The following CNTNAP5 variants were observed in gnomAD, a reference collection of about 807,000 sequenced individuals.
The protein encoded by CNTNAP5 is contactin associated protein family member 5.
CNTNAP5 carries 72 observed loss-of-function variants against 150.2 expected under a neutral mutation model. That is an observed-to-expected ratio of 0.48 (90% confidence interval 0.40 to 0.58). The LOEUF is 0.58. Among genes scored for constraint, CNTNAP5 ranks in the 20% least tolerant of loss-of-function variants. The pLI is 0.00. For missense variants in CNTNAP5, 1,636 were observed against 1,626.2 expected (o/e 1.01, Z -0.10); for synonymous variants, 672 against 619.8 (o/e 1.08, Z -1.25).
chr2:124,214,874 A>G (rs1396627886), intron 1 of CNTNAP5, among the ~76,000 whole-genome samples: 1 of 152,178 alleles, frequency 6.6e-6, no homozygotes, highest in African/African-American at 2.4e-5. Flanking sequence ...TCTGGAAATG[A>G]GTGTCAGGAT....
intron 13 of CNTNAP5, among the ~76,000 whole-genome samples, chr2:124,743,351 C>A (rs1558758551): frequency 6.6e-6 from 1 of 152,202 alleles, no homozygotes; most frequent in Admixed American, 6.5e-5. Context: ...CCCGCCTCCA[C>A]AGCAAAGAAG....
intron 11 of CNTNAP5, among the ~76,000 whole-genome samples, chr2:124,586,501 T>A (rs894022297): frequency 3.3e-5 from 5 of 152,220 alleles, no homozygotes; most frequent in African/African-American, 1.2e-4. Context: ...TTTAGCTTTT[T>A]TATGTATAAA....
At chr2:124,125,654 T>C (rs1683675007) in intron 1 of CNTNAP5, among the ~76,000 whole-genome samples, 1 of 152,184 alleles carries the variant, frequency 6.6e-6, no homozygotes, top group Non-Finnish European at 1.5e-5. Context: ...ATTGACCACA[T>C]AGTTGGAAGT....
intron 5 of CNTNAP5, among the ~76,000 whole-genome samples, chr2:124,445,905 T>A (rs1289211834): frequency 6.6e-6 from 1 of 152,206 alleles, no homozygotes; most frequent in Non-Finnish European, 1.5e-5. Context: ...GCTGTAATCT[T>A]TTTGGTAGAG....
chr2:124,306,726 T>C (rs924188846), intron 3 of CNTNAP5, among the ~76,000 whole-genome samples: 4 of 142,264 alleles, frequency 2.8e-5, no homozygotes, highest in Non-Finnish European at 4.5e-5. Context: ...TTTCTTTTTT[T>C]TTTTTTTTTT....
chr2:124,537,673 C>G (rs908652353), intron 10 of CNTNAP5, among the ~76,000 whole-genome samples: 1 of 152,136 alleles, frequency 6.6e-6, no homozygotes, highest in African/African-American at 2.4e-5. Context: ...TTTCCTTCCC[C>G]CATCTATCTC....
At chr2:124,294,518 T>C (rs1340920034) in intron 3 of CNTNAP5, among the ~76,000 whole-genome samples, 1 of 152,100 alleles carries the variant, frequency 6.6e-6, no homozygotes, top group Non-Finnish European at 1.5e-5. Flanking sequence ...AAATGACAAG[T>C]GCAAAAGCCC....
intron 13 of CNTNAP5, among the ~76,000 whole-genome samples, chr2:124,674,019 T>A (rs985968991): frequency 5.9e-5 from 9 of 152,076 alleles, no homozygotes; most frequent in Non-Finnish European, 1.3e-4. Flanking sequence ...CCATTCCTGC[T>A]CCCACCTTGC....
At chr2:124,361,181 T>G (rs1446144457) in intron 3 of CNTNAP5, among the ~76,000 whole-genome samples, 1 of 147,666 alleles carries the variant, frequency 6.8e-6, no homozygotes, top group Non-Finnish European at 1.5e-5. Flanking sequence ...AGCACTTCTC[T>G]GTATTGGTTA....
intron 7 of CNTNAP5, 114 bp from the exon 8 acceptor site, chr2:124,504,178 C>T: frequency 9.4e-7 from 1 of 1,062,132 alleles, no homozygotes; most frequent in Non-Finnish European, 1.4e-6. Context: ...GATCTTGCCG[C>T]TGAATGTGGA....
intron 1 of CNTNAP5, among the ~76,000 whole-genome samples, chr2:124,108,086 G>C (rs1178693601): frequency 6.6e-6 from 1 of 152,226 alleles, no homozygotes; most frequent in Non-Finnish European, 1.5e-5. Flanking sequence ...ATTTGTCTCA[G>C]GTGAGCAGAG....
chr2:124,300,431 G>A (rs1279428071), intron 3 of CNTNAP5, among the ~76,000 whole-genome samples: 3 of 152,218 alleles, frequency 2.0e-5, no homozygotes, highest in Non-Finnish European at 4.4e-5. Flanking sequence ...TTAAGCTGAT[G>A]CATTTGGGAT....
In CNTNAP5 at chr2:124,455,326, T is replaced by C. The variant is rs1029727562; in HGVS notation, c.918+8389T>C. ...GGAGATGGATAAATTCCTGGAAAGA[T>C]ACAACCTTCCTAGCTTACATCAGGA... On this transcript the variant is annotated intron_variant, in intron 6 of 23. Coordinates refer to ENST00000682447, the MANE Select transcript of CNTNAP5 (RefSeq NM_001367498.1). Among the ~76,000 whole-genome samples the C allele has an allele frequency of 3.3e-5, 5 of 152,100 alleles. No individual in the cohort carries two copies. In the East Asian group the frequency reaches 7.7e-4, roughly 24 times the overall value.
intron 3 of CNTNAP5, among the ~76,000 whole-genome samples, chr2:124,312,772 A>G (rs1043810843): frequency 4.6e-5 from 7 of 152,104 alleles, no homozygotes; most frequent in Non-Finnish European, 8.8e-5. Context: ...GGGTTTCACC[A>G]TGTTAGCCAG....
chr2:124,459,271 C>T (rs945884436), intron 6 of CNTNAP5, among the ~76,000 whole-genome samples: 5 of 152,090 alleles, frequency 3.3e-5, no homozygotes, highest in Admixed American at 3.3e-4. Flanking sequence ...CAGGACACCT[C>T]GAAATGTGAG....
chr2:124,216,875 C>A (rs1036027155), intron 1 of CNTNAP5, among the ~76,000 whole-genome samples: 1 of 152,092 alleles, frequency 6.6e-6, no homozygotes, highest in Admixed American at 6.6e-5. Context: ...TTTATAGCAG[C>A]ATGATTTATA....
At chr2:124,064,846 G>A (rs1682113783) in intron 1 of CNTNAP5, among the ~76,000 whole-genome samples, 1 of 152,080 alleles carries the variant, frequency 6.6e-6, no homozygotes, top group Non-Finnish European at 1.5e-5. Context: ...ATTTTCTCAT[G>A]TCAGTCTGAT....
chr2:124,322,176 A>C (rs1232500154), intron 3 of CNTNAP5, among the ~76,000 whole-genome samples: 1 of 105,792 alleles, frequency 9.5e-6, no homozygotes, highest in Admixed American at 8.3e-5. Flanking sequence ...AAATAAAATA[A>C]AATAAAATAA....
chr2:124,716,192 G>C (rs1024119612), intron 13 of CNTNAP5, among the ~76,000 whole-genome samples: 1 of 151,922 alleles, frequency 6.6e-6, no homozygotes, highest in Non-Finnish European at 1.5e-5. Flanking sequence ...AAAATGATTC[G>C]TGCAAAGTAA....
Sources: allele counts gnomAD v4.1 joint callset (sites outside exome capture counted in the v4.1 genomes callset), GRCh38; gene constraint gnomAD v4.1.1; transcripts MANE v1.5; gene names NCBI Gene and HGNC (gene_info 2026-07-23, HGNC 2026-07-21).